OSBPL6: variants seen among roughly 807,000 people sequenced by gnomAD.
OSBPL6 encodes the protein oxysterol-binding protein-related protein 6.
In OSBPL6, 49 loss-of-function variants were observed where a neutral mutation model predicts 125.8. The observed-to-expected ratio is 0.39, with a 90% CI of 0.31 to 0.49. The LOEUF (loss-of-function observed/expected upper bound fraction) is 0.49, where lower values mean the gene tolerates loss of function less well. Among genes scored for constraint, OSBPL6 ranks in the 20% least tolerant of loss-of-function variants. The pLI, the probability that OSBPL6 is intolerant of heterozygous loss-of-function variation, is 0.88. For synonymous variants in OSBPL6, 394 were observed against 391.8 expected (o/e 1.01, Z -0.07); for missense variants, 986 against 1,135.4 (o/e 0.87, Z 1.89).
intron 19 of OSBPL6, among the ~76,000 whole-genome samples, chr2:178,386,839 G>T (rs200324933): frequency 2.0e-3 from 301 of 151,160 alleles, no homozygotes; most frequent in African/African-American, 5.4e-3. Context: ...GATAGTGGGG[G>T]TTTTTTTTAG....
chr2:178,344,554 T>TG (rs2154084971), intron 11 of OSBPL6, among the ~76,000 whole-genome samples: 1 of 152,326 alleles, frequency 6.6e-6, no homozygotes, highest in African/African-American at 2.4e-5. Flanking sequence ...CTTTTTACAA[T>TG]GGAGAACTAT....
At chr2:178,392,340 C>T (rs1695476870) in intron 22 of OSBPL6, 72 bp from the exon 23 acceptor site, 7 of 1,545,008 alleles carry the variant, frequency 4.5e-6, no homozygotes, top group Non-Finnish European at 6.2e-6. Context: ...GTACTAAGTA[C>T]TAGGGTAAGT....
chr2:178,360,172 A>G (rs1002163389), intron 12 of OSBPL6, among the ~76,000 whole-genome samples: 1 of 152,200 alleles, frequency 6.6e-6, no homozygotes, highest in African/African-American at 2.4e-5. Context: ...AGTCAAGTAT[A>G]TATAGAGAGA....
chr2:178,330,386 A>G (rs1055953945), intron 5 of OSBPL6, among the ~76,000 whole-genome samples: 3 of 152,174 alleles, frequency 2.0e-5, no homozygotes, highest in Middle Eastern at 3.2e-3. Context: ...CCTGCTTTGC[A>G]TTGTTGTCTT....
intron 10 of OSBPL6, 28 bp downstream of exon 10, chr2:178,339,122 G>A (rs374032521): frequency 1.5e-5 from 21 of 1,421,424 alleles, no homozygotes; most frequent in Non-Finnish European, 2.0e-5. Context: ...GCTGGTAAAA[G>A]GACTTAGGGT....
At chr2:178,223,011 G>T (rs1030161549) in intron 1 of OSBPL6, among the ~76,000 whole-genome samples, 3 of 152,186 alleles carry the variant, frequency 2.0e-5, no homozygotes, top group African/African-American at 7.2e-5. Flanking sequence ...TGGCTGCAGA[G>T]ATTTGGTGGA....
At chr2:178,250,467 C>T (rs923945235) in intron 1 of OSBPL6, among the ~76,000 whole-genome samples, 1 of 152,172 alleles carries the variant, frequency 6.6e-6, no homozygotes, top group Non-Finnish European at 1.5e-5. Context: ...CAGCTCTAAT[C>T]TTTCACTCCC....
intron 1 of OSBPL6, among the ~76,000 whole-genome samples, chr2:178,226,722 G>A (rs2090579678): frequency 1.3e-5 from 2 of 152,118 alleles, no homozygotes; most frequent in African/African-American, 2.4e-5. Flanking sequence ...ACTTCAGAAG[G>A]TTCTAGGTCT....
chr2:178,211,598 C>T (rs1299883401), intron 1 of OSBPL6, among the ~76,000 whole-genome samples: 2 of 152,170 alleles, frequency 1.3e-5, no homozygotes, highest in Non-Finnish European at 2.9e-5. Flanking sequence ...GCCTTACCCT[C>T]CTCTGTCTCT....
At chr2:178,276,328 A>G (rs758568678) in intron 1 of OSBPL6, among the ~76,000 whole-genome samples, 13 of 150,282 alleles carry the variant, frequency 8.7e-5, no homozygotes, top group Non-Finnish European at 3.0e-5. Context: ...CGTGAGTCAC[A>G]TTTTTAAATA....
intron 2 of OSBPL6, among the ~76,000 whole-genome samples, chr2:178,299,428 T>G (rs1686072420): frequency 6.6e-6 from 1 of 152,250 alleles, no homozygotes; most frequent in African/African-American, 2.4e-5. Context: ...CTTTAGTGTG[T>G]GATAAGTAAA....
chr2:178,334,385 A>G (rs1313490565), intron 8 of OSBPL6, among the ~76,000 whole-genome samples: 2 of 152,224 alleles, frequency 1.3e-5, no homozygotes, highest in African/African-American at 4.8e-5. Context: ...AACCTCATAG[A>G]GTAACTGCAA....
At chr2:178,215,075 G>T (rs1174979161) in intron 1 of OSBPL6, among the ~76,000 whole-genome samples, 4 of 150,576 alleles carry the variant, frequency 2.7e-5, no homozygotes, top group Admixed American at 6.6e-5. Flanking sequence ...GCAAAGTACT[G>T]GTTTAAAAGC....
At chr2:178,255,088 G>C (rs2091837624) in intron 1 of OSBPL6, among the ~76,000 whole-genome samples, 1 of 152,208 alleles carries the variant, frequency 6.6e-6, no homozygotes, top group Admixed American at 6.5e-5. Flanking sequence ...CAGATCACCT[G>C]AGGTCAGGAG....
chr2:178,343,351 C>G (rs1298099335), intron 11 of OSBPL6, among the ~76,000 whole-genome samples: 4 of 151,888 alleles, frequency 2.6e-5, no homozygotes, highest in Non-Finnish European at 5.9e-5. Flanking sequence ...CGTGCCACAA[C>G]ACTCCAGCCT....
intron 2 of OSBPL6, among the ~76,000 whole-genome samples, chr2:178,303,920 C>T (rs759572073): frequency 2.0e-4 from 30 of 152,098 alleles, no homozygotes; most frequent in Non-Finnish European, 4.0e-4. Context: ...CCAAAATCAC[C>T]CTTTAGTAAC....
chr2:178,336,239 AT>A (rs1689673739), intron 8 of OSBPL6, 61 bp from the exon 9 acceptor site: 4 of 1,550,190 alleles, frequency 2.6e-6, no homozygotes, highest in Non-Finnish European at 2.6e-6. Context: ...GGATACTTGT[AT>A]TTTTTTAATC....
chr2:178,328,072 C>G (rs73032555), intron 4 of OSBPL6, among the ~76,000 whole-genome samples, 184 bp from the exon 5 acceptor site: 4,648 of 152,276 alleles, frequency 0.031, 228 homozygotes, highest in African/African-American at 0.1. Context: ...CTGGGAAACT[C>G]TTTTTAACTG....
intron 21 of OSBPL6, 126 bp downstream of exon 21, chr2:178,389,279 T>G: frequency 1.0e-6 from 1 of 965,520 alleles, no homozygotes. Flanking sequence ...ACGGACATTT[T>G]AGATAAGAAA....
Sources: gnomAD v4.1 joint callset for allele counts (sites outside exome capture counted in the v4.1 genomes callset) on GRCh38, gnomAD v4.1.1 for gene constraint, MANE v1.5 for transcripts, NCBI Gene and HGNC (gene_info 2026-07-23, HGNC 2026-07-21) for gene names.